The following LARGE1 variants were observed in gnomAD, a reference collection of about 807,000 sequenced individuals.
LARGE1 encodes the protein LARGE xylosyl- and glucuronyltransferase 1.
In LARGE1, 43 loss-of-function variants were observed where a neutral mutation model predicts 87.6. The ratio of observed to expected loss-of-function variants is 0.49; its 90% CI spans 0.38 to 0.63. The LOEUF (loss-of-function observed/expected upper bound fraction) is 0.63, where lower values mean the gene tolerates loss of function less well. LARGE1 is among the 30% of genes least tolerant of loss of function. LARGE1 has a pLI of 0.00. For synonymous variants in LARGE1, 434 were observed against 394.6 expected (o/e 1.10, Z -1.18); for missense variants, 802 against 1,000.2 (o/e 0.80, Z 2.67).
intron 1 of LARGE1, among the ~76,000 whole-genome samples, chr22:33,777,334 A>T (rs1017454615): frequency 3.3e-5 from 5 of 152,012 alleles, no homozygotes; most frequent in African/African-American, 1.2e-4. Flanking sequence ...GAATGATGGG[A>T]TCTGTGCTTA....
At chr22:33,449,590 C>T (rs7293057) in intron 6 of LARGE1, among the ~76,000 whole-genome samples, 1,657 of 152,304 alleles carry the variant, frequency 0.011, 31 homozygotes, top group African/African-American at 0.038. Flanking sequence ...CAAGATGCTC[C>T]GTCTATGGTG....
chr22:33,809,644 T>G (rs2086429381), intron 1 of LARGE1, among the ~76,000 whole-genome samples: 1 of 152,182 alleles, frequency 6.6e-6, no homozygotes. Flanking sequence ...GCAGCCACAT[T>G]TTAAAAAGAG....
At chr22:33,100,813 G>T in the LARGE1 span, among the ~76,000 whole-genome samples, 1 of 151,642 alleles carries the variant, frequency 6.6e-6, no homozygotes, top group Admixed American at 6.6e-5. Flanking sequence ...AATACCTGGT[G>T]CCCAGGGAGC....
intron 2 of LARGE1, among the ~76,000 whole-genome samples, chr22:33,713,099 T>C (rs527420327): frequency 2.2e-4 from 34 of 152,160 alleles, no homozygotes; most frequent in African/African-American, 8.0e-4. Context: ...TCATTTCATA[T>C]CTATTTTCTT....
chr22:33,860,142 A>AT (rs937690372), intron 1 of LARGE1, among the ~76,000 whole-genome samples: 2 of 151,662 alleles, frequency 1.3e-5, no homozygotes, highest in Non-Finnish European at 2.9e-5. Context: ...AAAATTTTAA[A>AT]TTTTTTTTTA....
chr22:33,318,308 T>C (rs192767491), intron 10 of LARGE1, among the ~76,000 whole-genome samples: 28 of 151,784 alleles, frequency 1.8e-4, no homozygotes, highest in African/African-American at 6.5e-4. Flanking sequence ...TTTTAAAAAA[T>C]GATAATTTGT....
At chr22:33,784,310 A>T (rs1472219310) in intron 1 of LARGE1, among the ~76,000 whole-genome samples, 2 of 152,180 alleles carry the variant, frequency 1.3e-5, no homozygotes, top group East Asian at 1.9e-4. Flanking sequence ...CCAACCCTGT[A>T]AATTAGTTAA....
intron 1 of LARGE1, among the ~76,000 whole-genome samples, chr22:33,896,172 G>A (rs530537285): frequency 6.6e-6 from 1 of 152,244 alleles, no homozygotes; most frequent in East Asian, 1.9e-4. Context: ...CTTTACATAG[G>A]TGGAATGATA....
intron 1 of LARGE1, among the ~76,000 whole-genome samples, chr22:33,818,467 G>C (rs1010670949): frequency 6.6e-6 from 1 of 152,158 alleles, no homozygotes; most frequent in Non-Finnish European, 1.5e-5. Context: ...GAGGAGGGGA[G>C]GAAGTTCATT....
intron 1 of LARGE1, among the ~76,000 whole-genome samples, chr22:33,775,231 C>A (rs993107131): frequency 6.6e-6 from 1 of 152,176 alleles, no homozygotes; most frequent in Non-Finnish European, 1.5e-5. Flanking sequence ...GGGAATAACC[C>A]CAAGATTTCC....
At chr22:33,080,466 T>G in the LARGE1 span, among the ~76,000 whole-genome samples, 2 of 152,208 alleles carry the variant, frequency 1.3e-5, no homozygotes, top group Non-Finnish European at 2.9e-5. Context: ...TTTCAGATTT[T>G]ATGTCAGAGA....
intron 11 of LARGE1, among the ~76,000 whole-genome samples, chr22:33,194,739 C>T (rs778704907): frequency 3.9e-5 from 6 of 152,078 alleles, no homozygotes; most frequent in Non-Finnish European, 8.8e-5. Flanking sequence ...GCCAGGGACA[C>T]GGAATGATAG....
chr22:33,285,635 A>T (rs1030088126), intron 12 of LARGE1, among the ~76,000 whole-genome samples: 6 of 151,848 alleles, frequency 4.0e-5, no homozygotes. Flanking sequence ...AAACAAACAA[A>T]CAAACAAACA....
intron 1 of LARGE1, among the ~76,000 whole-genome samples, chr22:33,796,931 A>C (rs2086005416): frequency 6.6e-6 from 1 of 151,852 alleles, no homozygotes; most frequent in African/African-American, 2.4e-5. Flanking sequence ...CACTTGGCTA[A>C]TTTTTGCATT....
intron 6 of LARGE1, among the ~76,000 whole-genome samples, chr22:33,555,890 A>G (rs1429483162): frequency 1.3e-5 from 2 of 149,810 alleles, no homozygotes; most frequent in African/African-American, 2.5e-5. Context: ...AGATCACGCC[A>G]CTGCACTCTA....
intron 12 of LARGE1, among the ~76,000 whole-genome samples, chr22:33,292,835 T>G (rs1020132072): frequency 6.6e-6 from 1 of 152,228 alleles, no homozygotes; most frequent in Admixed American, 6.5e-5. Flanking sequence ...CTTCCCTAAC[T>G]GTGCAATCAT....
At chr22:33,433,767 T>C (rs556607364) in intron 6 of LARGE1, among the ~76,000 whole-genome samples, 155 of 152,134 alleles carry the variant, frequency 1.0e-3, no homozygotes, top group Non-Finnish European at 1.9e-3. Flanking sequence ...AATAAAGACC[T>C]TTCTGACCAA....
chr22:33,483,631 C>CG (rs111650820), intron 6 of LARGE1, among the ~76,000 whole-genome samples: 4,890 of 152,082 alleles, frequency 0.032, 254 homozygotes, highest in African/African-American at 0.11. Context: ...TAGGAGGGGT[C>CG]GGGCTGCATT....
At chr22:33,608,785 C>G (rs1445427970) in intron 4 of LARGE1, among the ~76,000 whole-genome samples, 2 of 152,178 alleles carry the variant, frequency 1.3e-5, no homozygotes, top group Admixed American at 6.6e-5. Context: ...ATCCCGGCTG[C>G]AGTACCTACT....
Sources: allele counts gnomAD v4.1 joint callset (sites outside exome capture counted in the v4.1 genomes callset), GRCh38; gene constraint gnomAD v4.1.1; transcripts MANE v1.5; gene names NCBI Gene and HGNC (gene_info 2026-07-23, HGNC 2026-07-21).